Variants in HECW1 observed in about 807,000 individuals in gnomAD.
HECW1 encodes HECT, C2 and WW domain containing E3 ubiquitin protein ligase 1, also known as E3 ubiquitin-protein ligase HECW1.
HECW1 carries 61 observed loss-of-function variants against 182.3 expected under a neutral mutation model. The observed-to-expected ratio is 0.33, with a 90% CI of 0.27 to 0.41. The LOEUF (loss-of-function observed/expected upper bound fraction) is 0.41, where lower values mean the gene tolerates loss of function less well. Among genes scored for constraint, HECW1 ranks in the 10% least tolerant of loss-of-function variants. The pLI is 1.00. For missense variants in HECW1, 1,739 were observed against 2,108.9 expected, an observed-to-expected ratio of 0.82 and a Z score of 3.44; for synonymous variants, 859 against 832.6, an observed-to-expected ratio of 1.03 and a Z score of -0.55.
intron 6 of HECW1, among the ~76,000 whole-genome samples, chr7:43,379,082 C>T (rs2074445029): frequency 6.6e-6 from 1 of 152,108 alleles, no homozygotes; most frequent in Admixed American, 6.5e-5. Context: ...AAACCCATCA[C>T]CCTCACCTGG....
At chr7:43,403,093 C>A (rs535525799) in intron 7 of HECW1, among the ~76,000 whole-genome samples, 1 of 152,074 alleles carries the variant, frequency 6.6e-6, no homozygotes, top group South Asian at 2.1e-4. Flanking sequence ...ATGTTGTTGG[C>A]GTGGGAAATA....
At chr7:43,431,828 C>T (rs1356385014) in intron 8 of HECW1, among the ~76,000 whole-genome samples, 1 of 152,040 alleles carries the variant, frequency 6.6e-6, no homozygotes, top group Non-Finnish European at 1.5e-5. Context: ...GCCCATGGCA[C>T]CCCTCTACCT....
chr7:43,408,545 G>A (rs927566978), intron 8 of HECW1, among the ~76,000 whole-genome samples: 3 of 151,758 alleles, frequency 2.0e-5, no homozygotes, highest in Non-Finnish European at 2.9e-5. Flanking sequence ...AATTAGCTGA[G>A]CCTGGCGGTG....
intron 6 of HECW1, 23 bp downstream of exon 6, chr7:43,361,003 T>C: frequency 6.5e-7 from 1 of 1,527,712 alleles, no homozygotes; most frequent in African/African-American, 1.4e-5. Flanking sequence ...TCTCCGTCTT[T>C]GGTTAGACCT....
At chr7:43,297,385 TA>T (rs1375322308) in intron 3 of HECW1, among the ~76,000 whole-genome samples, 1 of 152,240 alleles carries the variant, frequency 6.6e-6, no homozygotes, top group Non-Finnish European at 1.5e-5. Context: ...AATTGCTTTT[TA>T]TCATCTTTCA....
At chr7:43,417,733 G>A (rs966129775) in intron 8 of HECW1, among the ~76,000 whole-genome samples, 1 of 152,064 alleles carries the variant, frequency 6.6e-6, no homozygotes, top group South Asian at 2.1e-4. Context: ...CTGTGTTATG[G>A]TCTCCATAGT....
chr7:43,120,627 C>A (rs1182156294), intron 2 of HECW1, among the ~76,000 whole-genome samples: 1 of 146,944 alleles, frequency 6.8e-6, no homozygotes, highest in Non-Finnish European at 1.5e-5. Flanking sequence ...TTGGATAAAT[C>A]CCCTCTATTT....
At chr7:43,414,153 C>T (rs2075904164) in intron 8 of HECW1, among the ~76,000 whole-genome samples, 1 of 151,512 alleles carries the variant, frequency 6.6e-6, no homozygotes, top group Non-Finnish European at 1.5e-5. Context: ...TCTAGTTCTC[C>T]TTGAAGAGGT....
chr7:43,205,589 C>CA (rs1256745475), intron 2 of HECW1, among the ~76,000 whole-genome samples: 6 of 152,210 alleles, frequency 3.9e-5, no homozygotes, highest in African/African-American at 1.4e-4. Flanking sequence ...TTTGTCCCAA[C>CA]ATTGGCAGTT....
At chr7:43,284,580 T>A (rs566615088) in intron 3 of HECW1, among the ~76,000 whole-genome samples, 1 of 152,020 alleles carries the variant, frequency 6.6e-6, no homozygotes, top group Non-Finnish European at 1.5e-5. Context: ...CCTTGTCAAT[T>A]TTCAAGATCA....
At chr7:43,189,987 T>C (rs376607252) in intron 2 of HECW1, among the ~76,000 whole-genome samples, 17 of 152,334 alleles carry the variant, frequency 1.1e-4, no homozygotes, top group African/African-American at 4.1e-4. Flanking sequence ...GGAGCCAATA[T>C]TGGGAGAGAG....
chr7:43,168,718 CATACAT>C (rs1562624285), intron 2 of HECW1, among the ~76,000 whole-genome samples: 1 of 151,906 alleles, frequency 6.6e-6, no homozygotes, highest in Admixed American at 6.6e-5. Flanking sequence ...ATAAGAGACA[CATACAT>C]AGACAGACAC....
intron 2 of HECW1, among the ~76,000 whole-genome samples, chr7:43,224,826 A>G (rs1472485193): frequency 6.6e-6 from 1 of 152,126 alleles, no homozygotes; most frequent in African/African-American, 2.4e-5. Context: ...CCAAACAAAG[A>G]AAGAAAAAGG....
chr7:43,538,158 C>G (rs1165327844), intron 24 of HECW1, among the ~76,000 whole-genome samples: 1 of 152,178 alleles, frequency 6.6e-6, no homozygotes, highest in African/African-American at 2.4e-5. Flanking sequence ...CAGAGGGAGT[C>G]AAGTTGGTCT....
chr7:43,158,983 G>A (rs943399079), intron 2 of HECW1, among the ~76,000 whole-genome samples: 4 of 152,088 alleles, frequency 2.6e-5, no homozygotes, highest in African/African-American at 9.7e-5. Flanking sequence ...TTGAGTAGGT[G>A]GGAAAGGGCC....
At chr7:43,118,505 A>G (rs1200429183) in intron 2 of HECW1, 1 of 152,424 alleles carries the variant, frequency 6.6e-6, no homozygotes, top group Non-Finnish European at 1.5e-5. Context: ...GATGAAATCA[A>G]TCAGCAAGTG....
intron 2 of HECW1, among the ~76,000 whole-genome samples, chr7:43,141,967 G>T (rs1788205181): frequency 1.3e-5 from 2 of 152,124 alleles, no homozygotes. Context: ...TGAGAGTTTG[G>T]GTGCAACTGA....
At chr7:43,332,726 T>C (rs1012284682) in intron 5 of HECW1, among the ~76,000 whole-genome samples, 1 of 152,130 alleles carries the variant, frequency 6.6e-6, no homozygotes, top group African/African-American at 2.4e-5. Context: ...GGGCTGTTGT[T>C]TGGGGTAAGG....
rs200159423 is a variant in HECW1, at chr7:43,311,857, A to T, written c.122A>T (p.Tyr41Phe). ...SRRRCKEPLR[Y>F]SYNPDQFHNM... Reference sequence around the variant, plus strand: ...CGCCGGTGCAAGGAGCCGCTCCGATACAGCTACAACCCCGACCAGTTCCAC... The same window carrying T: ...CGCCGGTGCAAGGAGCCGCTCCGATTCAGCTACAACCCCGACCAGTTCCAC... The change falls in exon 4 of 30, where the codon TAC becomes TTC. Residue 41 changes from tyrosine to phenylalanine, a missense_variant. By Grantham distance (22) the Tyr-to-Phe change is conservative (BLOSUM62 3). Coordinates refer to ENST00000395891, the MANE Select transcript of HECW1 (RefSeq NM_015052.5). 6.8e-6 allele frequency: 11 copies of T among 1,614,198 alleles called. No homozygotes were observed. Among genetic ancestry groups the T allele is most frequent in the African/African-American group, 1.3e-5 (1 of 75,044 alleles).
Sources: allele counts gnomAD v4.1 joint callset (sites outside exome capture counted in the v4.1 genomes callset), GRCh38; gene constraint gnomAD v4.1.1; transcripts MANE v1.5; gene names NCBI Gene and HGNC (gene_info 2026-07-23, HGNC 2026-07-21).